DNAJC4: variants seen among roughly 807,000 people sequenced by gnomAD.
DNAJC4 encodes the protein DnaJ heat shock protein family (Hsp40) member C4, also known as dnaJ homolog subfamily C member 4.
A neutral mutation model predicts 26.8 loss-of-function variants in DNAJC4; 26 were observed. That is an observed-to-expected ratio of 0.97 (90% CI 0.71 to 1.34). The LOEUF is 1.34. DNAJC4 is among the 40% of genes most tolerant of loss of function. The pLI is 0.00. For missense variants in DNAJC4, 342 were observed against 321.1 expected, an observed-to-expected ratio of 1.07 and a Z score of -0.50; for synonymous variants, 134 against 127.8, an observed-to-expected ratio of 1.05 and a Z score of -0.33.
Position 64,232,841 on chromosome 11 carries a change from TG to T in DNAJC4, c.506del (p.Gly169AlafsTer10). ...TGCCTCCTCCTCATGCTGGCGGGCATGGGCCTGCACTACATTGCCTTCAGGT... is the reference window on the plus strand; with the variant it reads ...TGCCTCCTCCTCATGCTGGCGGGCATGGCCTGCACTACATTGCCTTCAGGT... ...GYCLLLMLAG[M>X]GLHYIAFRKV... On this transcript the variant is annotated frameshift_variant, in exon 4 of 6. Coordinates refer to ENST00000628077, the MANE Select transcript of DNAJC4 (RefSeq NM_005528.4). LOFTEE classifies it high-confidence loss of function. 1 of 1,606,740 alleles carries T rather than the reference TG, an allele frequency of 6.2e-7. No individual in the cohort carries two copies. Among genetic ancestry groups the T allele is most frequent in the East Asian group, 2.2e-5 (1 of 44,782 alleles).
At position 64,232,465 on chromosome 11, in the gene DNAJC4, G is replaced by T. The variant is rs769249584; in HGVS notation, c.216G>T (p.Leu72=). ...ACCGGGACCCTGGGAACCCAAGCCT[G>T]CACAGCCGCTTTGTGGAGCTGAGCG... ...HPDRDPGNPS[L]HSRFVELSEA... The change falls in exon 3 of 6, where the codon CTG becomes CTT. Residue 72 remains leucine, a synonymous_variant. Transcript: ENST00000628077. 20 of 1,605,226 alleles carry T rather than the reference G, an allele frequency of 1.2e-5. No individual in the cohort carries two copies. The highest frequency in any genetic ancestry group is 1.7e-5 in the Non-Finnish European group (20 of 1,174,006).
intron 2 of DNAJC4, chr11:64,232,222 G>C: frequency 1.4e-6 from 1 of 733,032 alleles, no homozygotes; most frequent in Non-Finnish European, 2.2e-6. Flanking sequence ...GTGAATGCAG[G>C]GGGCTGGCAG....
intron 4 of DNAJC4, chr11:64,233,565 T>C: frequency 3.0e-6 from 1 of 332,188 alleles, no homozygotes; most frequent in South Asian, 5.1e-5. Flanking sequence ...CTATAGCAGA[T>C]ACCTAAAGGC....
chr11:64,230,901 A>ACCCT lies in DNAJC4; in HGVS notation c.55_58dup (p.Arg20LeufsTer19). The ACCCT allele has an allele frequency of 6.3e-7, 1 of 1,589,380 alleles. No homozygotes were observed. ...CGCCTGTGCCGGCTGTGGCCCCGCA[A>ACCCT]CCCTCCCTCCCGGCTCCTCGGAGCG... On this transcript the variant is annotated frameshift_variant, in exon 1 of 6. Coordinates refer to ENST00000628077, the MANE Select transcript of DNAJC4 (RefSeq NM_005528.4). LOFTEE classifies it high-confidence loss of function.
In DNAJC4 at chr11:64,233,710, T is replaced by C. The variant is rs1026239209; in HGVS notation, c.528-184T>C. The C allele has an allele frequency of 8.1e-6, 6 of 738,414 alleles. No individual in the cohort carries two copies. The African/African-American group carries it at 8.9e-5, about 11-fold the overall frequency. The allele number at this position is 738,414 out of a possible 1,614,324, so 45.7% of individuals were successfully genotyped here. A position where few individuals can be genotyped will look rare whatever the true frequency, so the allele number is the denominator to read the frequency against. The stretch of plus-strand genomic sequence containing the variant: ...AAGTGACCAGGGACTTCGGATGCCA[T>C]TGGACCCTAGACAAGCCAGGGCCAC... On this transcript the variant is annotated intron_variant, in intron 4 of 5. Coordinates refer to ENST00000628077, the MANE Select transcript of DNAJC4 (RefSeq NM_005528.4).
chr11:64,231,876 G>C lies in DNAJC4; in HGVS notation c.92G>C (p.Arg31Thr), dbSNP rs747986567. Residue 31 changes from arginine to threonine, a missense_variant, in exon 2 of 6, where the codon AGA becomes ACA. Transcript: ENST00000628077. ...LLGAAAGQRS[R>T]PSTYYELLGV... Reference sequence around the variant, plus strand: ...GTTTGGGACTCTGTCCACAGGTCCAGACCCAGTACTTATTATGAACTGTTG... The same window carrying C: ...GTTTGGGACTCTGTCCACAGGTCCACACCCAGTACTTATTATGAACTGTTG... 2.7e-5 allele frequency: 44 copies of C among 1,613,970 alleles called. No individual in the cohort carries two copies. The highest frequency in any genetic ancestry group is 2.5e-6 in the Non-Finnish European group (3 of 1,180,012).
At position 64,230,600 on chromosome 11, in the gene DNAJC4, C is replaced by A. The variant is rs1055140494; in HGVS notation, c.-255C>A. 17 of 612,636 alleles carry A rather than the reference C, an allele frequency of 2.8e-5. No homozygotes were observed. The Admixed American group carries it at 4.6e-4, about 17-fold the overall frequency. 38.0% of individuals were successfully genotyped at this position (612,636 alleles called of 1,614,324 possible). On this transcript the variant is annotated 5_prime_UTR_variant, in exon 1 of 6. Coordinates refer to ENST00000628077, the MANE Select transcript of DNAJC4 (RefSeq NM_005528.4). ...TGGGTGGGAACGGGGTCTTGGGGTCCCTGGCTGGGTGGCCAGACCCCGAAG... is the reference window on the plus strand; with the variant it reads ...TGGGTGGGAACGGGGTCTTGGGGTCACTGGCTGGGTGGCCAGACCCCGAAG...
At position 64,230,732 on chromosome 11, in the gene DNAJC4, A is replaced by AG. The variant is rs1309156996; in HGVS notation, c.-122dup. ...ACCGCCCCCTCTCCGGGCCTGCTTC[A>AG]GTCTTCCTTTGCAGAACAACGGGCC... On this transcript the variant is annotated 5_prime_UTR_variant, in exon 1 of 6. The change abolishes the stop of an existing upstream ORF in the 5' untranslated region. Coordinates refer to ENST00000628077, the MANE Select transcript of DNAJC4 (RefSeq NM_005528.4). 7 of 1,354,688 alleles carry AG rather than the reference A, an allele frequency of 5.2e-6. No homozygotes were observed. The highest frequency in any genetic ancestry group is 7.1e-6 in the Non-Finnish European group (7 of 984,350). The allele number at this position is 1,354,688 out of a possible 1,614,324, so 83.9% of individuals were successfully genotyped here. A position where few individuals can be genotyped will look rare whatever the true frequency, so the allele number is the denominator to read the frequency against.
intron 1 of DNAJC4, chr11:64,231,342 C>CA: frequency 6.8e-6 from 1 of 148,060 alleles, no homozygotes. Flanking sequence ...TCTCTTTTTC[C>CA]TTTTTTTTTT....
chr11:64,230,939 C>G lies in DNAJC4; in HGVS notation c.85C>G (p.Arg29Gly), dbSNP rs754713738. 1 of 1,551,440 alleles carries G rather than the reference C, an allele frequency of 6.4e-7. No individual in the cohort carries two copies. The highest frequency in any genetic ancestry group is 8.7e-7 in the Non-Finnish European group (1 of 1,154,036). The stretch of plus-strand genomic sequence containing the variant: ...GCTCCTCGGAGCGGCCGCCGGGCAG[C>G]GGTGAGTTGGGCGCGGGGGGCCGGC... ...SRLLGAAAGQ[R>G]SRPSTYYELL... The change falls in exon 1 of 6, where the codon CGG (arginine) becomes GGG (glycine). Residue 29 changes from arginine to glycine, a missense_variant and splice_region_variant. By Grantham distance (125) the Arg-to-Gly change is moderately radical. Coordinates refer to ENST00000628077, the MANE Select transcript of DNAJC4 (RefSeq NM_005528.4).
chr11:64,232,350 C>A, intron 2 of DNAJC4, 80 bp from the exon 3 acceptor site: 1 of 1,478,376 alleles, frequency 6.8e-7, no homozygotes, highest in Non-Finnish European at 9.0e-7. Flanking sequence ...TGACTGGAGC[C>A]CTGGTGGGTG....
rs35004947 is a variant in DNAJC4, at chr11:64,231,342, C to CTTT, written c.86+418_86+420dup. On this transcript the variant is annotated intron_variant, in intron 1 of 5. Transcript: ENST00000628077. The stretch of plus-strand genomic sequence containing the variant: ...AGGAATCAGTTTCTTTCTCTTTTTC[C>CTTT]TTTTTTTTTTTTTTTTTTGAGATGG... The CTTT allele has an allele frequency of 3.0e-3, 437 of 148,070 alleles. 2 individuals are homozygous for CTTT. Among genetic ancestry groups the CTTT allele is most frequent in the South Asian group, 8.5e-3 (86 of 10,088 alleles). The allele number at this position is 148,070 out of a possible 1,614,324, so 9.2% of individuals were successfully genotyped here.
chr11:64,234,021 G>A lies in DNAJC4; in HGVS notation c.614+41G>A, dbSNP rs1186620424. 4 of 1,613,936 alleles carry A rather than the reference G, an allele frequency of 2.5e-6. No homozygotes were observed. The highest frequency in any genetic ancestry group is 2.2e-5 in the East Asian group (1 of 44,872). ...ATTCTGCTCCCTGCTCCCTGTCCAG[G>A]AACCACACTTCGGGATCCCTATCCC... On this transcript the variant is annotated intron_variant, in intron 5 of 5. Transcript: ENST00000628077. The surrounding 1 kb of genome is among the most constrained non-coding windows in gnomAD (Gnocchi z 5.3).
At chr11:64,232,383 G>T in intron 2 of DNAJC4, 47 bp from the exon 3 acceptor site, 1 of 1,522,226 alleles carries the variant, frequency 6.6e-7, no homozygotes. Context: ...ATGGGTCCTG[G>T]GGAGGGACAG....
intron 4 of DNAJC4, chr11:64,233,656 C>G (rs1947206789): frequency 1.7e-6 from 1 of 586,228 alleles, no homozygotes; most frequent in Non-Finnish European, 3.0e-6. Context: ...GAGGAGCACC[C>G]CCATGTCCAC....
rs370895811 is a variant in DNAJC4 at position 64,234,009 on chromosome 11, C to G, written c.614+29C>G. 6.2e-7 allele frequency: 1 copy of G among 1,613,944 alleles called. No homozygotes were observed. The highest frequency in any genetic ancestry group is 1.3e-5 in the African/African-American group (1 of 74,958). ...TGTCCCTGCTCTATTCTGCTCCCTG[C>G]TCCCTGTCCAGGAACCACACTTCGG... On this transcript the variant is annotated intron_variant, in intron 5 of 5. Coordinates refer to ENST00000628077, the MANE Select transcript of DNAJC4 (RefSeq NM_005528.4). This position sits in a 1 kb window ranked among gnomAD's most constrained non-coding sequence, Gnocchi z 5.3.
rs1217494170 is a variant in DNAJC4, at chr11:64,232,453, G to C, written c.204G>C (p.Gly68=). The change falls in exon 3 of 6, where the codon GGG becomes GGC. Residue 68 remains glycine, a synonymous_variant. Transcript: ENST00000628077. ...AGCTGCACCCAGACCGGGACCCTGG[G>C]AACCCAAGCCTGCACAGCCGCTTTG... ...SKELHPDRDP[G]NPSLHSRFVE... 6.3e-7 allele frequency: 1 copy of C among 1,597,384 alleles called. No individual in the cohort carries two copies. The highest frequency in any genetic ancestry group is 1.3e-5 in the African/African-American group (1 of 74,508).
intron 1 of DNAJC4, 173 bp downstream of exon 1, chr11:64,231,113 C>T (rs1181832209): frequency 3.5e-6 from 3 of 854,620 alleles, no homozygotes; most frequent in Middle Eastern, 2.1e-4. Flanking sequence ...GGTCATACAC[C>T]GATTTAAGCG....
intron 1 of DNAJC4, chr11:64,231,256 T>G (rs894515596): frequency 4.3e-6 from 2 of 464,038 alleles, no homozygotes; most frequent in Non-Finnish European, 8.1e-6. Flanking sequence ...GGGTACAAAA[T>G]CCAGATTCCT....
Sources: allele counts gnomAD v4.1 joint callset, GRCh38; gene constraint gnomAD v4.1.1; non-coding constraint Gnocchi (gnomAD v3.1); transcripts MANE v1.5; gene names NCBI Gene and HGNC (gene_info 2026-07-23, HGNC 2026-07-21).